The following OPCML variants were observed in gnomAD, a reference collection of about 807,000 sequenced individuals.
The protein encoded by OPCML is opioid binding protein/cell adhesion molecule like.
OPCML carries 13 observed loss-of-function variants against 37.8 expected under a neutral mutation model. The ratio of observed to expected loss-of-function variants is 0.34; its 90% CI spans 0.22 to 0.55. The LOEUF is 0.55. OPCML is among the 20% of genes least tolerant of loss of function. The pLI is 0.91. For missense variants in OPCML, 341 were observed against 435.6 expected (o/e 0.78, Z 1.93); for synonymous variants, 176 against 168.8 (o/e 1.04, Z -0.33).
chr11:132,854,317 C>T (rs1172038733), intron 2 of OPCML, among the ~76,000 whole-genome samples: 1 of 152,178 alleles, frequency 6.6e-6, no homozygotes, highest in Non-Finnish European at 1.5e-5. Context: ...TGTTCTTGTT[C>T]ATCAATCTGG....
chr11:132,943,213 C>G lies in OPCML; in HGVS notation c.62-203G>C. ...GGGAAGGGGCAGAGTTCGCCAGGAG[C>G]AGGGGGAAGGAGAAGAGAGGAGTCC... is the stretch of plus-strand genomic sequence containing the variant. On this transcript the variant is annotated intron_variant, in intron 1 of 7. Transcript: ENST00000524381. This position sits in a 1 kb window ranked among gnomAD's most constrained non-coding sequence, Gnocchi z 4.3. 6.8e-7 allele frequency: 1 copy of G among 1,471,418 alleles called. No homozygotes were observed. The highest frequency in any genetic ancestry group is 9.3e-7 in the Non-Finnish European group (1 of 1,080,444). The allele number at this position is 1,471,418 out of a possible 1,614,324, so 91.1% of individuals were successfully genotyped here. A position where few individuals can be genotyped will look rare whatever the true frequency, so the allele number is the denominator to read the frequency against.
chr11:133,407,653 G>T (rs1036615900), intron 1 of OPCML, among the ~76,000 whole-genome samples: 7 of 152,166 alleles, frequency 4.6e-5, no homozygotes, highest in African/African-American at 1.7e-4. Flanking sequence ...ACATGTTTCT[G>T]GAAGTCTCCT....
intron 1 of OPCML, among the ~76,000 whole-genome samples, chr11:132,975,979 C>T: frequency 6.6e-6 from 1 of 152,140 alleles, no homozygotes; most frequent in East Asian, 1.9e-4. Flanking sequence ...ACCATGTTAG[C>T]CAGGATGGTC....
At chr11:133,405,517 C>T (rs1018476201) in intron 1 of OPCML, among the ~76,000 whole-genome samples, 10 of 152,204 alleles carry the variant, frequency 6.6e-5, no homozygotes, top group Admixed American at 5.2e-4. Flanking sequence ...AATCCAGCCA[C>T]CATCAGAAAA....
intron 2 of OPCML, among the ~76,000 whole-genome samples, chr11:132,696,896 C>T (rs1943620069): frequency 1.3e-5 from 2 of 152,130 alleles, no homozygotes; most frequent in Non-Finnish European, 2.9e-5. Flanking sequence ...GAATACCAAA[C>T]AGGATTAATG....
At chr11:133,525,554 C>T (rs1309032894) in intron 1 of OPCML, among the ~76,000 whole-genome samples, 1 of 149,784 alleles carries the variant, frequency 6.7e-6, no homozygotes, top group Non-Finnish European at 1.5e-5. Context: ...AATAGGGTGA[C>T]ATCTACACTG....
chr11:133,142,575 A>G (rs1431694903), intron 1 of OPCML, among the ~76,000 whole-genome samples: 1 of 152,200 alleles, frequency 6.6e-6, no homozygotes, highest in Non-Finnish European at 1.5e-5. Context: ...TATCAGGCCA[A>G]TGAGGACTGG....
intron 1 of OPCML, among the ~76,000 whole-genome samples, chr11:133,082,055 C>T (rs910947705): frequency 6.6e-6 from 1 of 152,024 alleles, no homozygotes; most frequent in Admixed American, 6.5e-5. Flanking sequence ...TCTTTACTGG[C>T]GCCATTCCTG....
At position 133,311,817 on chromosome 11, in the gene OPCML, G is replaced by A. The variant is rs147263090; in HGVS notation, c.61+220447C>T. On this transcript the variant is annotated intron_variant, in intron 1 of 7. Transcript: ENST00000524381. ...AAATTATTAAAGTAGACATTCAGGC[G>A]TGGACACAAGGAGACAAGCTATGAG... Among the ~76,000 whole-genome samples, 107 of 152,310 alleles carry A rather than the reference G, an allele frequency of 7.0e-4. 3 individuals are homozygous for A. In the East Asian group the frequency reaches 0.019, roughly 27 times the overall value.
chr11:132,527,903 T>C lies in OPCML; in HGVS notation c.505+1158A>G, dbSNP rs560674892. Among the ~76,000 whole-genome samples the C allele has an allele frequency of 1.6e-4, 24 of 148,682 alleles. No individual in the cohort carries two copies. In the South Asian group the frequency reaches 5.1e-3, roughly 32 times the overall value. On this transcript the variant is annotated intron_variant, in intron 4 of 7. Coordinates refer to ENST00000524381, the MANE Select transcript of OPCML (RefSeq NM_001012393.5). ...ACAGATGCATCTAGGAAGAGGGCCA[T>C]GTGAAGATGAAGGCAGAGATCAGGG... is the stretch of plus-strand genomic sequence containing the variant.
rs1323936650 is a variant in OPCML, at chr11:132,945,918, G to A, written c.62-2908C>T. 2.0e-5 allele frequency among the ~76,000 whole-genome samples: 3 copies of A among 152,188 alleles called. No individual in the cohort carries two copies. The East Asian group carries it at 5.8e-4, about 30-fold the overall frequency. On this transcript the variant is annotated intron_variant, in intron 1 of 7. Coordinates refer to ENST00000524381, the MANE Select transcript of OPCML (RefSeq NM_001012393.5). Reference sequence around the variant, plus strand: ...CTGCCTCAGCCTCCCAAGTAGCTGGGACTACAGGCGCCCACCACCATGCCC... The same window carrying A: ...CTGCCTCAGCCTCCCAAGTAGCTGGAACTACAGGCGCCCACCACCATGCCC...
At chr11:133,405,912 T>C (rs1024949981) in intron 1 of OPCML, among the ~76,000 whole-genome samples, 5 of 152,136 alleles carry the variant, frequency 3.3e-5, no homozygotes, top group Non-Finnish European at 1.5e-5. Context: ...CCAGGCAAGG[T>C]AGAGGCATGA....
intron 1 of OPCML, among the ~76,000 whole-genome samples, chr11:133,427,467 A>G (rs1946026759): frequency 6.6e-6 from 1 of 152,106 alleles, no homozygotes; most frequent in African/African-American, 2.4e-5. Flanking sequence ...AAACTTACCA[A>G]AATAGTAGTA....
intron 1 of OPCML, among the ~76,000 whole-genome samples, chr11:133,154,467 T>C (rs1565476319): frequency 6.6e-6 from 1 of 152,192 alleles, no homozygotes; most frequent in Non-Finnish European, 1.5e-5. Flanking sequence ...TAAGGTTTTG[T>C]CACATTCTTT....
intron 4 of OPCML, among the ~76,000 whole-genome samples, chr11:132,443,342 A>T (rs1210746343): frequency 1.3e-5 from 2 of 152,184 alleles, no homozygotes; most frequent in Non-Finnish European, 2.9e-5. Flanking sequence ...GAGCTGCCAG[A>T]AGGAAGCCAG....
At chr11:133,003,231 T>C (rs1947042794) in intron 1 of OPCML, among the ~76,000 whole-genome samples, 1 of 152,200 alleles carries the variant, frequency 6.6e-6, no homozygotes, top group Non-Finnish European at 1.5e-5. Flanking sequence ...TATTAGCTCA[T>C]GGTTTGGAGA....
At chr11:132,952,171 G>A (rs1179716741) in intron 1 of OPCML, among the ~76,000 whole-genome samples, 1 of 152,180 alleles carries the variant, frequency 6.6e-6, no homozygotes, top group South Asian at 2.1e-4. Context: ...ACCCAGTGGA[G>A]TGGAGTGGCC....
At chr11:133,450,790 G>A (rs547264939) in intron 1 of OPCML, among the ~76,000 whole-genome samples, 3 of 151,572 alleles carry the variant, frequency 2.0e-5, no homozygotes, top group Non-Finnish European at 4.4e-5. Flanking sequence ...TATTGTCCTG[G>A]ATAGCTCAAT....
chr11:133,182,965 C>T (rs1423135641), intron 1 of OPCML, among the ~76,000 whole-genome samples: 1 of 152,084 alleles, frequency 6.6e-6, no homozygotes, highest in African/African-American at 2.4e-5. Flanking sequence ...AAGATGAGGA[C>T]TCAAGTGTGT....
Sources: allele counts gnomAD v4.1 joint callset (sites outside exome capture counted in the v4.1 genomes callset), GRCh38; gene constraint gnomAD v4.1.1; non-coding constraint Gnocchi (gnomAD v3.1); transcripts MANE v1.5; gene names NCBI Gene and HGNC (gene_info 2026-07-23, HGNC 2026-07-21).